RPTOR: variants seen among roughly 807,000 people sequenced by gnomAD.
The protein encoded by RPTOR is regulatory-associated protein of mTOR.
RPTOR carries 21 observed loss-of-function variants against 169.9 expected under a neutral mutation model. That is an observed-to-expected ratio of 0.12 (90% CI 0.09 to 0.18). RPTOR has a LOEUF of 0.18. Among genes scored for constraint, RPTOR ranks in the 10% least tolerant of loss-of-function variants. RPTOR has a pLI of 1.00. For missense variants in RPTOR, 1,133 were observed against 1,855.9 expected, an observed-to-expected ratio of 0.61 and a Z score of 7.16; for synonymous variants, 732 against 753.2, an observed-to-expected ratio of 0.97 and a Z score of 0.46.
intron 1 of RPTOR, among the ~76,000 whole-genome samples, chr17:80,608,849 C>T (rs905624104): frequency 2.0e-5 from 3 of 152,180 alleles, no homozygotes; most frequent in South Asian, 2.1e-4. Context: ...TGCTTCTGCG[C>T]GTGGTTCAGA....
At chr17:80,937,940 A>G (rs890665225) in intron 24 of RPTOR, among the ~76,000 whole-genome samples, 4 of 152,168 alleles carry the variant, frequency 2.6e-5, no homozygotes, top group African/African-American at 9.7e-5. Flanking sequence ...TTGTCCTGAC[A>G]CAGACACTTG....
chr17:80,883,501 C>T lies in RPTOR; in HGVS notation c.1650+17C>T, dbSNP rs1002066215. On this transcript the variant is annotated intron_variant, in intron 15 of 33. Transcript: ENST00000306801. ...ACGGGGCAGGTGAGCCCCCCAGCCA[C>T]CCCCAGCCCCAGAGCTCACCCTTGG... 1 of 1,612,212 alleles carries T rather than the reference C, an allele frequency of 6.2e-7. No homozygotes were observed. Among genetic ancestry groups the T allele is most frequent in the Non-Finnish European group, 8.5e-7 (1 of 1,178,456 alleles).
intron 2 of RPTOR, among the ~76,000 whole-genome samples, chr17:80,634,131 T>TGC (rs1462483309): frequency 7.0e-6 from 1 of 143,130 alleles, no homozygotes; most frequent in Non-Finnish European, 1.5e-5. Context: ...TGTGTGTGTG[T>TGC]GCATACTGTG....
In RPTOR at chr17:80,721,885, G is replaced by A. The variant is rs1030198856; in HGVS notation, c.508-8675G>A. ...TTTGGTATATATATATATATTTCAG[G>A]TTTTTATGAAGCTAAGGGCAAAGGT... On this transcript the variant is annotated intron_variant, in intron 4 of 33. Transcript: ENST00000306801. The surrounding 1 kb of genome is among the most constrained non-coding windows in gnomAD (Gnocchi z 4.7). Among the ~76,000 whole-genome samples the A allele has an allele frequency of 6.6e-6, 1 of 150,814 alleles. No homozygotes were observed. The highest frequency in any genetic ancestry group is 2.5e-5 in the African/African-American group (1 of 40,344).
chr17:80,607,050 T>G (rs1296052983), intron 1 of RPTOR, among the ~76,000 whole-genome samples: 2 of 152,164 alleles, frequency 1.3e-5, no homozygotes, highest in African/African-American at 4.8e-5. Context: ...TCTTAGCAGC[T>G]GAGTGTGAGG....
intron 3 of RPTOR, among the ~76,000 whole-genome samples, chr17:80,662,380 G>A (rs2065731213): frequency 6.6e-6 from 1 of 152,136 alleles, no homozygotes; most frequent in South Asian, 2.1e-4. Flanking sequence ...TGGAAGGACG[G>A]GAGTTTTATT....
intron 13 of RPTOR, among the ~76,000 whole-genome samples, chr17:80,869,484 AC>A (rs906825598): frequency 2.6e-5 from 4 of 151,914 alleles, no homozygotes; most frequent in Non-Finnish European, 4.4e-5. Context: ...TTCAAGAAAC[AC>A]CCCCAAAAAT....
At chr17:80,900,196 C>T (rs1291826134) in intron 20 of RPTOR, among the ~76,000 whole-genome samples, 2 of 152,062 alleles carry the variant, frequency 1.3e-5, no homozygotes, top group Admixed American at 6.5e-5. Flanking sequence ...TTCTCTCAGC[C>T]GGGCATCTGT....
rs528952498 is a variant in RPTOR at position 80,864,835 on chromosome 17, T to G, written c.1509+6935T>G. Among the ~76,000 whole-genome samples the G allele has an allele frequency of 2.0e-5, 3 of 152,364 alleles. No homozygotes were observed. In the South Asian group the frequency reaches 6.2e-4, roughly 32 times the overall value. ...TATGAATTTTTTTCAATAAGCCTTT[T>G]GCACTCTTAATTTTTTTTCCTTACG... On this transcript the variant is annotated intron_variant, in intron 13 of 33. Transcript: ENST00000306801.
rs1426775902 is a variant in RPTOR, at chr17:80,660,607, C to T, written c.348+16797C>T. Among the ~76,000 whole-genome samples the T allele has an allele frequency of 3.3e-5, 5 of 152,294 alleles. No individual in the cohort carries two copies. The East Asian group carries it at 7.7e-4, about 24-fold the overall frequency. ...GAGCCCCATTCACCACCCATGATCACTCCCTGCCCCGTTTCCCATTTTCTT... is the reference window on the plus strand; with the variant it reads ...GAGCCCCATTCACCACCCATGATCATTCCCTGCCCCGTTTCCCATTTTCTT... On this transcript the variant is annotated intron_variant, in intron 3 of 33. Coordinates refer to ENST00000306801, the MANE Select transcript of RPTOR (RefSeq NM_020761.3).
intron 24 of RPTOR, among the ~76,000 whole-genome samples, chr17:80,935,411 G>C (rs546069415): frequency 6.6e-6 from 1 of 152,212 alleles, no homozygotes; most frequent in East Asian, 1.9e-4. Flanking sequence ...TTTTGAACTA[G>C]AAGAACAAAG....
chr17:80,711,744 C>CTATTTTTTTTTTT (rs2066193067), intron 4 of RPTOR, among the ~76,000 whole-genome samples: 1 of 88,852 alleles, frequency 1.1e-5, no homozygotes. Context: ...ATACATCAGT[C>CTATTTTTTTTTTT]TTTTTTTTTT....
At chr17:80,889,742 GCT>G in intron 17 of RPTOR, among the ~76,000 whole-genome samples, 1 of 152,314 alleles carries the variant, frequency 6.6e-6, no homozygotes, top group East Asian at 1.9e-4. Context: ...AGAGCTCTTT[GCT>G]GTGTGCCAGG....
At position 80,965,641 on chromosome 17, in the gene RPTOR, C is replaced by T. The variant is rs551804800; in HGVS notation, c.*1311C>T. On this transcript the variant is annotated 3_prime_UTR_variant, in exon 34 of 34. Coordinates refer to ENST00000306801, the MANE Select transcript of RPTOR (RefSeq NM_020761.3). ...ACCACGGGAGTGAGAGCTGGTGTGG[C>T]GAGGCCCGGCTCTCCTGCGGTGTGG... The T allele has an allele frequency of 1.3e-5, 3 of 233,298 alleles. No homozygotes were observed. Among genetic ancestry groups the T allele is most frequent in the East Asian group, 6.0e-5 (1 of 16,582 alleles). The allele number at this position is 233,298 out of a possible 1,614,324, so 14.5% of individuals were successfully genotyped here.
chr17:80,720,938 T>C (rs751008702), intron 4 of RPTOR, among the ~76,000 whole-genome samples: 3 of 151,134 alleles, frequency 2.0e-5, no homozygotes, highest in Non-Finnish European at 2.9e-5. Context: ...ATTCATCTTA[T>C]GGTTTGGGGT....
chr17:80,649,893 G>A (rs752205094), intron 3 of RPTOR, among the ~76,000 whole-genome samples: 11 of 152,246 alleles, frequency 7.2e-5, no homozygotes, highest in South Asian at 2.1e-4. Context: ...CCCTGCCCAC[G>A]CACTTCCTGC....
At chr17:80,663,763 T>C (rs1329872572) in intron 3 of RPTOR, among the ~76,000 whole-genome samples, 1 of 152,062 alleles carries the variant, frequency 6.6e-6, no homozygotes, top group Non-Finnish European at 1.5e-5. Context: ...CCCCTCTGTC[T>C]TCCTGAGCTC....
At chr17:80,886,422 G>A (rs909069508) in intron 17 of RPTOR, among the ~76,000 whole-genome samples, 3 of 152,188 alleles carry the variant, frequency 2.0e-5, no homozygotes, top group Admixed American at 6.5e-5. Context: ...CCTCGTGGCC[G>A]GGTTTCTGAA....
intron 3 of RPTOR, among the ~76,000 whole-genome samples, chr17:80,686,218 G>A (rs2316065): frequency 0.17 from 24,739 of 145,806 alleles, 3,338 homozygotes; most frequent in African/African-American, 0.38. Flanking sequence ...ACAGAGTCTC[G>A]CTCTGTCGCC....
Sources: allele counts gnomAD v4.1 joint callset (sites outside exome capture counted in the v4.1 genomes callset), GRCh38; gene constraint gnomAD v4.1.1; non-coding constraint Gnocchi (gnomAD v3.1); transcripts MANE v1.5; gene names NCBI Gene and HGNC (gene_info 2026-07-23, HGNC 2026-07-21).